Variants in TGFA observed in about 807,000 individuals in gnomAD.
The protein encoded by TGFA is protransforming growth factor alpha.
In TGFA, 12 loss-of-function variants were observed where a neutral mutation model predicts 21.7. The ratio of observed to expected loss-of-function variants is 0.55; its 90% CI spans 0.35 to 0.90. TGFA has a LOEUF of 0.90. TGFA is among the 40% of genes least tolerant of loss of function. The pLI, the probability that TGFA is intolerant of heterozygous loss-of-function variation, is 0.01. For synonymous variants in TGFA, 79 were observed against 88.1 expected, an observed-to-expected ratio of 0.90 and a Z score of 0.58; for missense variants, 178 against 210.8, an observed-to-expected ratio of 0.84 and a Z score of 0.96.
intron 2 of TGFA, among the ~76,000 whole-genome samples, chr2:70,512,009 C>G (rs1307728488): frequency 6.6e-6 from 1 of 151,844 alleles, no homozygotes; most frequent in Non-Finnish European, 1.5e-5. Flanking sequence ...AGGATTTCAG[C>G]CCTGTGCGGT....
intron 1 of TGFA, among the ~76,000 whole-genome samples, chr2:70,516,064 G>A (rs574744324): frequency 1.3e-5 from 2 of 152,258 alleles, no homozygotes; most frequent in African/African-American, 2.4e-5. Context: ...TACAGTACTC[G>A]AGGTTTCTGG....
intron 1 of TGFA, among the ~76,000 whole-genome samples, chr2:70,551,773 T>G (rs1673518823): frequency 6.6e-6 from 1 of 152,158 alleles, no homozygotes; most frequent in African/African-American, 2.4e-5. Flanking sequence ...TTTTACATAT[T>G]GATCAATCTT....
At chr2:70,544,781 C>G (rs1381542241) in intron 1 of TGFA, among the ~76,000 whole-genome samples, 2 of 152,144 alleles carry the variant, frequency 1.3e-5, no homozygotes, top group African/African-American at 4.8e-5. Flanking sequence ...GAAAGATAAA[C>G]TTCACATGTT....
At chr2:70,504,436 A>G (rs1375207479) in intron 2 of TGFA, among the ~76,000 whole-genome samples, 1 of 20,588 alleles carries the variant, frequency 4.9e-5, no homozygotes, top group Non-Finnish European at 1.3e-4. Context: ...CAAAACAAAT[A>G]TATATATATA....
intron 1 of TGFA, among the ~76,000 whole-genome samples, chr2:70,520,008 A>G (rs1672399389): frequency 6.6e-6 from 1 of 152,252 alleles, no homozygotes; most frequent in African/African-American, 2.4e-5. Flanking sequence ...TAAAACAAGG[A>G]TAACAGCCCT....
intron 3 of TGFA, among the ~76,000 whole-genome samples, chr2:70,462,546 G>A (rs1038297569): frequency 2.6e-5 from 4 of 152,190 alleles, no homozygotes; most frequent in Non-Finnish European, 4.4e-5. Context: ...TATCTGGGGC[G>A]GCACACCTGA....
chr2:70,464,925 G>C (rs1553491944), intron 3 of TGFA, among the ~76,000 whole-genome samples: 5 of 152,140 alleles, frequency 3.3e-5, no homozygotes, highest in South Asian at 4.1e-4. Flanking sequence ...AGCTTTCTTC[G>C]AGTGAATTTC....
At chr2:70,522,453 A>G (rs2103878566) in intron 1 of TGFA, among the ~76,000 whole-genome samples, 1 of 152,048 alleles carries the variant, frequency 6.6e-6, no homozygotes, top group South Asian at 2.1e-4. Flanking sequence ...TTACTTTTTT[A>G]TGATGGAGTC....
rs782267879 is a variant in TGFA, at chr2:70,453,205, A to G, written c.475+13T>C. On this transcript the variant is annotated intron_variant, in intron 5 of 5. Transcript: ENST00000295400. ...ACCCAATAGTGTCTCCCACCAGAGAAGAGTCTCCTTACCTGTTTCTGAGTG... is the reference window on the plus strand; with the variant it reads ...ACCCAATAGTGTCTCCCACCAGAGAGGAGTCTCCTTACCTGTTTCTGAGTG... 1.6e-5 allele frequency: 25 copies of G among 1,608,606 alleles called. 1 individual carries two copies. The South Asian group carries it at 2.5e-4, about 16-fold the overall frequency.
At chr2:70,543,482 C>T (rs558540593) in intron 1 of TGFA, among the ~76,000 whole-genome samples, 71 of 149,474 alleles carry the variant, frequency 4.7e-4, no homozygotes, top group Non-Finnish European at 6.5e-4. Flanking sequence ...GCTGAGATTG[C>T]GCCACTTCAC....
At chr2:70,524,847 A>G (rs1347398733) in intron 1 of TGFA, among the ~76,000 whole-genome samples, 1 of 152,192 alleles carries the variant, frequency 6.6e-6, no homozygotes, top group Non-Finnish European at 1.5e-5. Context: ...ACAGGAACCA[A>G]ACACCACCTC....
At chr2:70,456,746 C>A (rs1559097764) in intron 3 of TGFA, among the ~76,000 whole-genome samples, 4 of 152,226 alleles carry the variant, frequency 2.6e-5, no homozygotes, top group African/African-American at 9.6e-5. Context: ...TGAAGCAATC[C>A]ATGACTATTG....
chr2:70,484,089 T>C (rs1671204074), intron 2 of TGFA, among the ~76,000 whole-genome samples: 3 of 152,232 alleles, frequency 2.0e-5, no homozygotes, highest in African/African-American at 7.2e-5. Context: ...TCTGATTGCC[T>C]GAAATTGAAC....
chr2:70,532,270 T>C (rs898572764), intron 1 of TGFA, among the ~76,000 whole-genome samples: 1 of 152,224 alleles, frequency 6.6e-6, no homozygotes, highest in Non-Finnish European at 1.5e-5. Context: ...CTAGGGAGTT[T>C]AGAACAATCC....
intron 1 of TGFA, among the ~76,000 whole-genome samples, chr2:70,540,891 T>C (rs1358012548): frequency 6.6e-6 from 1 of 152,166 alleles, no homozygotes; most frequent in Non-Finnish European, 1.5e-5. Context: ...TACTCAACCA[T>C]GAAGCAGCAT....
intron 1 of TGFA, among the ~76,000 whole-genome samples, chr2:70,521,579 C>T (rs1401552769): frequency 3.4e-5 from 5 of 145,758 alleles, no homozygotes; most frequent in Non-Finnish European, 7.5e-5. Context: ...CAAATGGTAG[C>T]TGCTACTATT....
At chr2:70,460,914 G>A (rs1670388028) in intron 3 of TGFA, among the ~76,000 whole-genome samples, 2 of 152,204 alleles carry the variant, frequency 1.3e-5, no homozygotes, top group South Asian at 2.1e-4. Flanking sequence ...GTAGCCACTA[G>A]CTACCCTGAG....
intron 2 of TGFA, among the ~76,000 whole-genome samples, chr2:70,472,759 ACT>A (rs1447167014): frequency 4.6e-5 from 7 of 152,220 alleles, no homozygotes; most frequent in African/African-American, 1.7e-4. Context: ...GTGGCTCTTA[ACT>A]CTCTTCCCCA....
intron 2 of TGFA, chr2:70,467,305 G>A (rs4852604): frequency 0.63 from 96,364 of 152,104 alleles, 31,323 homozygotes; most frequent in African/African-American, 0.76. Context: ...GGGGAGAGAG[G>A]AAAAAGAGCA....
Sources: gnomAD v4.1 joint callset for allele counts (sites outside exome capture counted in the v4.1 genomes callset) on GRCh38, gnomAD v4.1.1 for gene constraint, MANE v1.5 for transcripts, NCBI Gene and HGNC (gene_info 2026-07-23, HGNC 2026-07-21) for gene names.